Variants in SLIT2 observed in about 807,000 individuals in gnomAD.
SLIT2 encodes the protein slit homolog 2 protein.
In SLIT2, 41 loss-of-function variants were observed where a neutral mutation model predicts 185.7. The observed-to-expected ratio is 0.22, with a 90% CI of 0.17 to 0.29. The LOEUF (loss-of-function observed/expected upper bound fraction) is 0.29, where lower values mean the gene tolerates loss of function less well. Among genes scored for constraint, SLIT2 ranks in the 10% least tolerant of loss-of-function variants. SLIT2 has a pLI of 1.00. For synonymous variants in SLIT2, 693 were observed against 680.2 expected (o/e 1.02, Z -0.29); for missense variants, 1,571 against 1,909.0 (o/e 0.82, Z 3.30).
intron 4 of SLIT2, among the ~76,000 whole-genome samples, chr4:20,422,539 C>T (rs1475451934): frequency 1.3e-5 from 2 of 152,158 alleles, no homozygotes; most frequent in Admixed American, 1.3e-4. Context: ...TCACTGCTTC[C>T]AGGAAGCTTA....
intron 5 of SLIT2, among the ~76,000 whole-genome samples, chr4:20,472,315 G>A (rs796953926): frequency 1.6e-4 from 2 of 12,818 alleles, no homozygotes; most frequent in Non-Finnish European, 2.8e-4. Context: ...TCTATATATA[G>A]ATATATATAT....
At chr4:20,603,277 G>A (rs1728545994) in intron 33 of SLIT2, among the ~76,000 whole-genome samples, 1 of 152,106 alleles carries the variant, frequency 6.6e-6, no homozygotes, top group Non-Finnish European at 1.5e-5. Context: ...ACAGTATGGG[G>A]AAAACCGCCC....
At chr4:20,510,869 G>A (rs1719634831) in intron 10 of SLIT2, among the ~76,000 whole-genome samples, 197 bp from the exon 11 acceptor site, 1 of 152,052 alleles carries the variant, frequency 6.6e-6, no homozygotes, top group Admixed American at 6.5e-5. Context: ...CATCTTATAT[G>A]GGAAAGTAGA....
intron 21 of SLIT2, among the ~76,000 whole-genome samples, chr4:20,544,350 A>G (rs1218160221): frequency 6.6e-6 from 1 of 152,150 alleles, no homozygotes; most frequent in Non-Finnish European, 1.5e-5. Context: ...ACTTTACTCT[A>G]TTCCCATTAA....
intron 4 of SLIT2, among the ~76,000 whole-genome samples, chr4:20,293,033 A>C (rs957983426): frequency 2.6e-5 from 4 of 152,182 alleles, no homozygotes; most frequent in African/African-American, 9.7e-5. Context: ...AAGGGATGAG[A>C]GGGAGAAAAA....
chr4:20,339,491 T>A (rs1720786545), intron 4 of SLIT2, among the ~76,000 whole-genome samples: 1 of 152,162 alleles, frequency 6.6e-6, no homozygotes, highest in Non-Finnish European at 1.5e-5. Flanking sequence ...TTTGGAGGAA[T>A]CTTCAGAGGA....
rs1455038196 is a variant in SLIT2, at chr4:20,580,199, T to TA, written c.3089-9444dup. Among the ~76,000 whole-genome samples the TA allele has an allele frequency of 2.0e-5, 3 of 151,038 alleles. No homozygotes were observed. The East Asian group carries it at 5.9e-4, about 30-fold the overall frequency. On this transcript the variant is annotated intron_variant, in intron 29 of 36. Transcript: ENST00000504154. ...CCTCAGCCTCCCAAGTAGCTGGGAT[T>TA]ACAGATGCGCACCACCATACCCAGT...
intron 4 of SLIT2, among the ~76,000 whole-genome samples, chr4:20,381,268 CAAAT>C (rs758830605): frequency 4.0e-5 from 6 of 150,568 alleles, no homozygotes; most frequent in Non-Finnish European, 7.4e-5. Flanking sequence ...TAAAAAAAAA[CAAAT>C]AAAATTGCTG....
chr4:20,313,218 A>G (rs1221844527), intron 4 of SLIT2, among the ~76,000 whole-genome samples: 1 of 152,226 alleles, frequency 6.6e-6, no homozygotes, highest in Non-Finnish European at 1.5e-5. Flanking sequence ...GCAAGCTGTA[A>G]CAGAAGTATG....
Position 20,533,596 on chromosome 4 carries a change from A to T in SLIT2, c.1713A>T (p.Thr571=). 7 of 1,611,068 alleles carry T rather than the reference A, an allele frequency of 4.3e-6. No homozygotes were observed. The highest frequency in any genetic ancestry group is 5.9e-6 in the Non-Finnish European group (7 of 1,177,472). Residue 571 remains threonine, a synonymous_variant, in exon 18 of 37, where the codon ACA becomes ACT. Coordinates refer to ENST00000504154, the MANE Select transcript of SLIT2 (RefSeq NM_004787.4). ...RKINFSNNKI[T]DIEEGAFEGA... is the part of the protein sequence containing the mutation. ...GAAACTTTAGCAACAATAAGATCAC[A>T]GATATTGAGGAGGGAGCATTTGAAG...
At chr4:20,503,660 CACTT>C (rs1415390732) in intron 9 of SLIT2, among the ~76,000 whole-genome samples, 3 of 152,160 alleles carry the variant, frequency 2.0e-5, no homozygotes, top group South Asian at 4.2e-4. Context: ...AAAATTTTAA[CACTT>C]AGTCAAAAGG....
chr4:20,427,413 A>G (rs1006483995), intron 4 of SLIT2, among the ~76,000 whole-genome samples: 1 of 152,190 alleles, frequency 6.6e-6, no homozygotes. Context: ...TTCTTACACA[A>G]TAAGTCTGTA....
At chr4:20,618,044 A>G (rs975195586) in intron 36 of SLIT2, among the ~76,000 whole-genome samples, 1 of 152,228 alleles carries the variant, frequency 6.6e-6, no homozygotes, top group Non-Finnish European at 1.5e-5. Flanking sequence ...TCTGGCACAG[A>G]GAAGATGGTC....
At chr4:20,274,529 A>G (rs1475166511) in intron 4 of SLIT2, among the ~76,000 whole-genome samples, 2 of 152,162 alleles carry the variant, frequency 1.3e-5, no homozygotes, top group East Asian at 1.9e-4. Context: ...CCTAAATCCA[A>G]TGAAGATTAA....
chr4:20,340,035 C>T (rs1720833523), intron 4 of SLIT2, among the ~76,000 whole-genome samples: 1 of 152,186 alleles, frequency 6.6e-6, no homozygotes, highest in Non-Finnish European at 1.5e-5. Flanking sequence ...ATCTTGCCTT[C>T]TCCAAAACTT....
At chr4:20,442,245 C>G (rs534617602) in intron 4 of SLIT2, among the ~76,000 whole-genome samples, 1 of 152,162 alleles carries the variant, frequency 6.6e-6, no homozygotes, top group Admixed American at 6.5e-5. Flanking sequence ...GTTGGCCGGG[C>G]GCGGTGGCTC....
chr4:20,400,267 G>A (rs1049635326), intron 4 of SLIT2, among the ~76,000 whole-genome samples: 1 of 151,744 alleles, frequency 6.6e-6, no homozygotes, highest in African/African-American at 2.4e-5. Flanking sequence ...AATGGTAAAA[G>A]TGGGTGTGGA....
intron 20 of SLIT2, 21 bp downstream of exon 20, chr4:20,541,640 C>G (rs771770610): frequency 6.2e-7 from 1 of 1,608,378 alleles, no homozygotes; most frequent in Non-Finnish European, 8.5e-7. Flanking sequence ...CTTATCAACT[C>G]TTTGATTGTC....
chr4:20,328,291 G>A (rs1272309485), intron 4 of SLIT2, among the ~76,000 whole-genome samples: 1 of 152,058 alleles, frequency 6.6e-6, no homozygotes, highest in Non-Finnish European at 1.5e-5. Context: ...TTTTGCTAAG[G>A]CTTGAATTTG....
Sources: gnomAD v4.1 joint callset for allele counts (sites outside exome capture counted in the v4.1 genomes callset) on GRCh38, gnomAD v4.1.1 for gene constraint, MANE v1.5 for transcripts, NCBI Gene and HGNC (gene_info 2026-07-23, HGNC 2026-07-21) for gene names.